MYT1L: variants seen among roughly 807,000 people sequenced by gnomAD.
MYT1L encodes myelin transcription factor 1 like.
MYT1L carries 12 observed loss-of-function variants against 126.7 expected under a neutral mutation model. The observed-to-expected ratio is 0.09, with a 90% confidence interval of 0.06 to 0.15. MYT1L has a LOEUF of 0.15. Among genes scored for constraint, MYT1L ranks in the 10% least tolerant of loss-of-function variants. The pLI is 1.00. For synonymous variants in MYT1L, 541 were observed against 604.2 expected (o/e 0.90, Z 1.53); for missense variants, 979 against 1,585.2 (o/e 0.62, Z 6.49).
chr2:2,091,311 C>T (rs1009390370), intron 3 of MYT1L, among the ~76,000 whole-genome samples: 4 of 152,150 alleles, frequency 2.6e-5, no homozygotes, highest in African/African-American at 9.7e-5. Context: ...CTTGCACATC[C>T]CCATCAGAGC....
Position 1,979,102 on chromosome 2 carries a change from G to C in MYT1L, c.152+63C>G. On this transcript the variant is annotated intron_variant, in intron 8 of 24. Transcript: ENST00000647738. This position sits in a 1 kb window ranked among gnomAD's most constrained non-coding sequence, Gnocchi z 4.0. ...ACCTGCTCACACAGTTCATCATCAG[G>C]ACTGGGTCCCCAAATAAGTCACTTT... 7.4e-7 allele frequency: 1 copy of C among 1,357,820 alleles called. No individual in the cohort carries two copies. The highest frequency in any genetic ancestry group is 1.0e-6 in the Non-Finnish European group (1 of 961,666). The allele number at this position is 1,357,820 out of a possible 1,614,324, so 84.1% of individuals were successfully genotyped here.
At chr2:1,888,589 A>C (rs980604608) in intron 16 of MYT1L, among the ~76,000 whole-genome samples, 2 of 152,236 alleles carry the variant, frequency 1.3e-5, no homozygotes, top group African/African-American at 4.8e-5. Flanking sequence ...ATAAGACTTT[A>C]AAGTCGGTAC....
chr2:2,121,777 GTTTTTTCAAGCTTTCAGGAATTCTCTA>G (rs1455254797), intron 3 of MYT1L, among the ~76,000 whole-genome samples: 1 of 152,146 alleles, frequency 6.6e-6, no homozygotes, highest in Non-Finnish European at 1.5e-5. Context: ...GAGCCACCGC[GTTTTTTCAAGCTTTCAGGAATTCTCTA>G]TTATGAATGC....
At chr2:1,861,825 G>A in intron 18 of MYT1L, among the ~76,000 whole-genome samples, 1 of 152,108 alleles carries the variant, frequency 6.6e-6, no homozygotes, top group Admixed American at 6.5e-5. Flanking sequence ...TGCAGCCTGT[G>A]TAATCCTGGA....
rs1394855700 is a variant in MYT1L at position 1,923,091 on chromosome 2, G to C, written c.678C>G (p.Asn226Lys). The change falls in exon 10 of 25, where the codon AAC becomes AAG. Residue 226 changes from asparagine to lysine, a missense_variant. Asn to Lys is a moderately conservative substitution (Grantham distance 94, BLOSUM62 0). Transcript: ENST00000647738. ...CTTCCAGACTATTGGAGGTATTGCTGTTCATTTCTGACTCAGTCCTGGCCC... is the reference window on the plus strand; with the variant it reads ...CTTCCAGACTATTGGAGGTATTGCTCTTCATTTCTGACTCAGTCCTGGCCC... ...AYRARTESEM[N>K]SNTSNSLEDD... is the part of the protein sequence containing the mutation. 2 of 1,614,010 alleles carry C rather than the reference G, an allele frequency of 1.2e-6. No individual in the cohort carries two copies. The highest frequency in any genetic ancestry group is 3.3e-5 in the Admixed American group (2 of 60,032).
intron 2 of MYT1L, among the ~76,000 whole-genome samples, chr2:2,197,521 G>C (rs1321958217): frequency 6.6e-6 from 1 of 151,628 alleles, no homozygotes; most frequent in Non-Finnish European, 1.5e-5. Context: ...AATGTGTAGA[G>C]ATGTATATAA....
At chr2:1,994,014 C>T (rs529199404) in intron 5 of MYT1L, among the ~76,000 whole-genome samples, 1 of 152,356 alleles carries the variant, frequency 6.6e-6, no homozygotes, top group South Asian at 2.1e-4. Flanking sequence ...AACCCCTTTG[C>T]CCACCTTATC....
chr2:2,307,495 G>T (rs958080561), intron 1 of MYT1L, among the ~76,000 whole-genome samples: 1 of 152,056 alleles, frequency 6.6e-6, no homozygotes, highest in African/African-American at 2.4e-5. Context: ...CTGATTGGCT[G>T]CCAGACTAAT....
intron 4 of MYT1L, among the ~76,000 whole-genome samples, chr2:2,006,258 TATC>T (rs929706151): frequency 6.9e-4 from 105 of 152,350 alleles, no homozygotes; most frequent in Middle Eastern, 3.4e-3. Flanking sequence ...AAAAAAATGT[TATC>T]ATGTATGTTT....
At chr2:1,798,084 G>A (rs866084849) in intron 23 of MYT1L, among the ~76,000 whole-genome samples, 3 of 58,896 alleles carry the variant, frequency 5.1e-5, no homozygotes, top group East Asian at 3.8e-4. Context: ...CCCTCCATCC[G>A]GCACAGGCGC....
chr2:2,020,403 A>G (rs2064913196), intron 4 of MYT1L, among the ~76,000 whole-genome samples: 1 of 152,172 alleles, frequency 6.6e-6, no homozygotes, highest in Non-Finnish European at 1.5e-5. Flanking sequence ...GAGTGTTCTC[A>G]TGAATTTATC....
At chr2:2,201,364 A>T (rs761647202) in intron 2 of MYT1L, among the ~76,000 whole-genome samples, 3 of 152,156 alleles carry the variant, frequency 2.0e-5, no homozygotes, top group Admixed American at 6.6e-5. Flanking sequence ...CAATTGTTCA[A>T]TAACCTTCTA....
chr2:2,095,801 C>G (rs2077396309), intron 3 of MYT1L, among the ~76,000 whole-genome samples: 1 of 152,182 alleles, frequency 6.6e-6, no homozygotes, highest in African/African-American at 2.4e-5. Flanking sequence ...ACCGCTCACA[C>G]TCAGCACTTT....
intron 1 of MYT1L, among the ~76,000 whole-genome samples, chr2:2,298,556 T>A (rs2095734233): frequency 6.6e-6 from 1 of 152,232 alleles, no homozygotes; most frequent in African/African-American, 2.4e-5. Flanking sequence ...CATAAATACG[T>A]AATGTGATAA....
rs769608153 is a variant in MYT1L at position 1,801,907 on chromosome 2, G to T, written c.3173-108C>A. On this transcript the variant is annotated intron_variant, in intron 22 of 24. Transcript: ENST00000647738. The surrounding 1 kb of genome is among the most constrained non-coding windows in gnomAD (Gnocchi z 4.2). ...TTTATATTCGTAATTGAATTTGCTT[G>T]GAAAATAGACTCTTGAATTAGAAAG... The T allele has an allele frequency of 1.1e-4, 74 of 658,960 alleles. No individual in the cohort carries two copies. Among genetic ancestry groups the T allele is most frequent in the Non-Finnish European group, 1.7e-4 (68 of 400,944 alleles). 40.8% of individuals were successfully genotyped at this position (658,960 alleles called of 1,614,324 possible). A position where few individuals can be genotyped will look rare whatever the true frequency, so the allele number is the denominator to read the frequency against.
chr2:2,027,460 A>G (rs1479765410), intron 4 of MYT1L, among the ~76,000 whole-genome samples: 3 of 152,222 alleles, frequency 2.0e-5, no homozygotes, highest in South Asian at 2.1e-4. Context: ...ACCCCCGGCC[A>G]TTCTTGGATT....
intron 18 of MYT1L, among the ~76,000 whole-genome samples, chr2:1,863,767 G>T (rs1572978120): frequency 6.6e-6 from 1 of 150,842 alleles, no homozygotes; most frequent in Non-Finnish European, 1.5e-5. Flanking sequence ...GGATATTTGG[G>T]GGGATAGTTA....
At chr2:2,018,393 G>A (rs115444539) in intron 4 of MYT1L, among the ~76,000 whole-genome samples, 5,712 of 152,224 alleles carry the variant, frequency 0.038, 147 homozygotes, top group Non-Finnish European at 0.05. Context: ...AGACAGAGGA[G>A]CAGAGGGAGA....
chr2:2,315,153 A>G (rs971820384), intron 1 of MYT1L, among the ~76,000 whole-genome samples: 2 of 152,190 alleles, frequency 1.3e-5, no homozygotes, highest in African/African-American at 2.4e-5. Context: ...CTGTCCCTGA[A>G]AACTTTTGGG....
Sources: gnomAD v4.1 joint callset for allele counts (sites outside exome capture counted in the v4.1 genomes callset) on GRCh38, gnomAD v4.1.1 for gene constraint, Gnocchi (gnomAD v3.1) non-coding constraint, MANE v1.5 for transcripts, NCBI Gene and HGNC (gene_info 2026-07-23, HGNC 2026-07-21) for gene names.